SLIT2: variants seen among roughly 807,000 people sequenced by gnomAD.
SLIT2 encodes slit homolog 2 protein.
SLIT2 carries 41 observed loss-of-function variants against 185.7 expected under a neutral mutation model. The observed-to-expected ratio is 0.22, with a 90% CI of 0.17 to 0.29. The LOEUF (loss-of-function observed/expected upper bound fraction) is 0.29. SLIT2 is among the 10% of genes least tolerant of loss of function. The probability of loss-of-function intolerance (pLI) is 1.00; values close to 1 mark genes in which losing one functional copy is unlikely to be tolerated. For synonymous variants in SLIT2, 693 were observed against 680.2 expected, an observed-to-expected ratio of 1.02 and a Z score of -0.29; for missense variants, 1,571 against 1,909.0, an observed-to-expected ratio of 0.82 and a Z score of 3.30.
intron 29 of SLIT2, among the ~76,000 whole-genome samples, chr4:20,579,199 C>A (rs1033218511): frequency 4.6e-5 from 7 of 151,486 alleles, no homozygotes; most frequent in Non-Finnish European, 8.8e-5. Flanking sequence ...ACTCAGGAGG[C>A]TGAGGCAGGA....
chr4:20,576,663 T>G (rs144233358), intron 29 of SLIT2, among the ~76,000 whole-genome samples: 19 of 152,288 alleles, frequency 1.2e-4, no homozygotes, highest in African/African-American at 4.6e-4. Context: ...TTTGGCAGCC[T>G]AATGATACTA....
intron 4 of SLIT2, among the ~76,000 whole-genome samples, chr4:20,466,047 A>G (rs1238892316): frequency 2.0e-5 from 3 of 152,068 alleles, no homozygotes; most frequent in Middle Eastern, 3.4e-3. Context: ...TAGAAACACT[A>G]CTAAATGGTT....
chr4:20,436,075 T>G (rs1017972572), intron 4 of SLIT2, among the ~76,000 whole-genome samples: 3 of 152,258 alleles, frequency 2.0e-5, no homozygotes, highest in Admixed American at 2.0e-4. Context: ...TTAGTCAATT[T>G]TGTTACCTTG....
intron 4 of SLIT2, among the ~76,000 whole-genome samples, chr4:20,433,187 G>A (rs1355630732): frequency 6.6e-6 from 1 of 152,194 alleles, no homozygotes; most frequent in Non-Finnish European, 1.5e-5. Context: ...CTGTTAGAAT[G>A]CCTTTGGCTT....
intron 4 of SLIT2, among the ~76,000 whole-genome samples, chr4:20,372,805 G>A (rs1305513002): frequency 2.0e-5 from 3 of 152,004 alleles, no homozygotes; most frequent in African/African-American, 7.2e-5. Flanking sequence ...TATTATATTT[G>A]TCTCTAGGGC....
chr4:20,555,602 C>G (rs962161708), intron 26 of SLIT2, among the ~76,000 whole-genome samples: 1 of 152,044 alleles, frequency 6.6e-6, no homozygotes, highest in African/African-American at 2.4e-5. Context: ...TGATGTAGGA[C>G]ACTTCATGGT....
chr4:20,591,221 A>T (rs914087485), intron 30 of SLIT2, among the ~76,000 whole-genome samples: 14 of 152,178 alleles, frequency 9.2e-5, no homozygotes, highest in Non-Finnish European at 1.9e-4. Context: ...CAGGGAATTA[A>T]CAATTACACA....
intron 11 of SLIT2, 126 bp downstream of exon 11, chr4:20,511,263 AATT>A (rs1223398985): frequency 3.5e-6 from 2 of 568,546 alleles, no homozygotes; most frequent in Admixed American, 5.6e-5. Flanking sequence ...TAATAATGTT[AATT>A]ATTATTAACC....
At chr4:20,409,125 C>T (rs763256264) in intron 4 of SLIT2, among the ~76,000 whole-genome samples, 10 of 152,104 alleles carry the variant, frequency 6.6e-5, no homozygotes, top group Non-Finnish European at 1.3e-4. Context: ...AGGTTGGTTA[C>T]ATAAATGCCA....
At chr4:20,489,008 A>G (rs1717523166) in intron 8 of SLIT2, 26 bp downstream of exon 8, 2 of 1,574,642 alleles carry the variant, frequency 1.3e-6, no homozygotes, top group Non-Finnish European at 1.7e-6. Flanking sequence ...GAGTGATGTT[A>G]TTGTGTTTAT....
In SLIT2 at chr4:20,252,443, G is replaced by T. The variant is rs115301772; in HGVS notation, c.-1373G>T. ...AGGACTACCCGGGACTGCGGCCGCC[G>T]CGTCAGGTGCAGCGCCAGGAGCCGG... On this transcript the variant is annotated 5_prime_UTR_variant, in exon 1 of 37. Transcript: ENST00000504154. Among the ~76,000 whole-genome samples, 1,479 of 152,322 alleles carry T rather than the reference G, an allele frequency of 9.7e-3. 26 individuals carry two copies. The highest frequency in any genetic ancestry group is 0.033 in the African/African-American group (1,380 of 41,566).
rs536824766 is a variant in SLIT2 at position 20,424,273 on chromosome 4, C to T, written c.396-43479C>T. 5.9e-5 allele frequency among the ~76,000 whole-genome samples: 9 copies of T among 152,140 alleles called. No individual in the cohort carries two copies. The South Asian group carries it at 1.5e-3, about 25-fold the overall frequency. On this transcript the variant is annotated intron_variant, in intron 4 of 36. Transcript: ENST00000504154. ...ATGAAAATGACAAAGTTTTATTGTT[C>T]TCTGACAGGTCTTCTTTCTGAATTA...
chr4:20,514,182 A>G (rs1719991247), intron 11 of SLIT2, among the ~76,000 whole-genome samples: 1 of 152,192 alleles, frequency 6.6e-6, no homozygotes, highest in Admixed American at 6.5e-5. Context: ...TTAAATAAAA[A>G]TTTTGCTTAC....
intron 4 of SLIT2, among the ~76,000 whole-genome samples, chr4:20,349,264 G>A (rs1339448974): frequency 6.6e-6 from 1 of 152,136 alleles, no homozygotes; most frequent in African/African-American, 2.4e-5. Flanking sequence ...TTACTATTAA[G>A]TAGCTGTTTG....
intron 4 of SLIT2, chr4:20,364,232 A>G (rs1722944949): frequency 1.0e-6 from 1 of 981,712 alleles, no homozygotes; most frequent in Non-Finnish European, 1.2e-6. Flanking sequence ...AAATGGAATA[A>G]TGCATCCACA....
intron 21 of SLIT2, 55 bp downstream of exon 21, chr4:20,542,681 A>T (rs1308292428): frequency 6.3e-7 from 1 of 1,579,340 alleles, no homozygotes; most frequent in South Asian, 1.1e-5. Context: ...TAAATGTTTC[A>T]TACACCCAGA....
At chr4:20,520,341 A>C (rs1720731975) in intron 12 of SLIT2, among the ~76,000 whole-genome samples, 1 of 152,234 alleles carries the variant, frequency 6.6e-6, no homozygotes, top group South Asian at 2.1e-4. Flanking sequence ...AGTTGGAAAA[A>C]AATGCAAATA....
chr4:20,485,960 C>T (rs1035479686), intron 6 of SLIT2, among the ~76,000 whole-genome samples: 1 of 152,170 alleles, frequency 6.6e-6, no homozygotes, highest in African/African-American at 2.4e-5. Context: ...AATAGTCAAA[C>T]ATGCTATGAA....
At chr4:20,280,843 T>G (rs1054496425) in intron 4 of SLIT2, among the ~76,000 whole-genome samples, 1 of 151,764 alleles carries the variant, frequency 6.6e-6, no homozygotes, top group Non-Finnish European at 1.5e-5. Context: ...GTTTTTTTTT[T>G]TTTTTTGAGA....
Sources: allele counts gnomAD v4.1 joint callset (sites outside exome capture counted in the v4.1 genomes callset), GRCh38; gene constraint gnomAD v4.1.1; transcripts MANE v1.5; gene names NCBI Gene and HGNC (gene_info 2026-07-23, HGNC 2026-07-21).